The following CLIP1 variants were observed in gnomAD, a reference collection of about 807,000 sequenced individuals.
The protein encoded by CLIP1 is CAP-Gly domain containing linker protein 1, also known as CAP-Gly domain-containing linker protein 1.
CLIP1 carries 66 observed loss-of-function variants against 161.6 expected under a neutral mutation model. The ratio of observed to expected loss-of-function variants is 0.41; its 90% CI spans 0.33 to 0.50. CLIP1 has a LOEUF of 0.50. CLIP1 is among the 20% of genes least tolerant of loss of function. CLIP1 has a pLI of 0.27. For synonymous variants in CLIP1, 598 were observed against 626.2 expected, an observed-to-expected ratio of 0.96 and a Z score of 0.67; for missense variants, 1,376 against 1,702.0, an observed-to-expected ratio of 0.81 and a Z score of 3.37.
At chr12:122,292,769 C>T (rs192168607) in intron 20 of CLIP1, among the ~76,000 whole-genome samples, 9 of 151,874 alleles carry the variant, frequency 5.9e-5, no homozygotes, top group Non-Finnish European at 7.4e-5. Context: ...TTTGGGAGGC[C>T]GAGGCGGGCG....
intron 5 of CLIP1, among the ~76,000 whole-genome samples, chr12:122,359,996 T>C (rs1216999953): frequency 6.6e-6 from 1 of 152,128 alleles, no homozygotes; most frequent in Non-Finnish European, 1.5e-5. Context: ...GAATGAGGTG[T>C]TGCCTATTTT....
intron 12 of CLIP1, among the ~76,000 whole-genome samples, chr12:122,336,116 AG>A (rs1192040570): frequency 6.6e-6 from 1 of 152,248 alleles, no homozygotes; most frequent in Non-Finnish European, 1.5e-5. Flanking sequence ...TTAAGGAAAG[AG>A]AAAACATATA....
rs1955236109 is a variant in CLIP1 at position 122,273,005 on chromosome 12, TG to T, written c.4186del (p.Gln1396ArgfsTer63). 6.2e-7 allele frequency: 1 copy of T among 1,614,056 alleles called. No homozygotes were observed. Among genetic ancestry groups the T allele is most frequent in the Non-Finnish European group, 8.5e-7 (1 of 1,180,028 alleles). Reference protein sequence around the residue: ...DLHDTEDCPTQAQMSEDPPHS... With the variant: ...DLHDTEDCPTXAQMSEDPPHS... Reference sequence around the variant, plus strand: ...GGGAGGGTCCTCTGACATCTGTGCCTGGGTAGGACAATCCTCTGTGTCGTGG... The same window carrying T: ...GGGAGGGTCCTCTGACATCTGTGCCTGGTAGGACAATCCTCTGTGTCGTGG... On this transcript the variant is annotated frameshift_variant, in exon 26 of 26. Transcript: ENST00000620786. LOFTEE classifies it high-confidence loss of function.
At chr12:122,306,531 G>A (rs559558735) in intron 20 of CLIP1, among the ~76,000 whole-genome samples, 4 of 152,126 alleles carry the variant, frequency 2.6e-5, no homozygotes, top group South Asian at 2.1e-4. Context: ...AGAAGCACAC[G>A]ATCCTGACCA....
chr12:122,364,227 T>C (rs1593170689), intron 3 of CLIP1, 120 bp from the exon 4 acceptor site: 1 of 1,216,224 alleles, frequency 8.2e-7, no homozygotes, highest in African/African-American at 1.5e-5. Context: ...TTCTTTGCTT[T>C]AGCTTCTCTT....
intron 17 of CLIP1, chr12:122,324,112 A>G (rs918280213): frequency 4.6e-5 from 7 of 152,672 alleles, no homozygotes; most frequent in African/African-American, 1.7e-4. Context: ...GTTCCTGCTC[A>G]TAATACTTTT....
At chr12:122,314,214 C>T (rs1438728288) in intron 19 of CLIP1, among the ~76,000 whole-genome samples, 1 of 151,512 alleles carries the variant, frequency 6.6e-6, no homozygotes, top group Non-Finnish European at 1.5e-5. Flanking sequence ...TCGCTTCAAC[C>T]CGGGAGGCGG....
chr12:122,341,711 T>C lies in CLIP1; in HGVS notation c.1507-14A>G. 1 of 1,279,062 alleles carries C rather than the reference T, an allele frequency of 7.8e-7. No homozygotes were observed. Among genetic ancestry groups the C allele is most frequent in the Non-Finnish European group, 1.0e-6 (1 of 974,658 alleles). The allele number at this position is 1,279,062 out of a possible 1,614,324, so 79.2% of individuals were successfully genotyped here. A position where few individuals can be genotyped will look rare whatever the true frequency, so the allele number is the denominator to read the frequency against. On this transcript the variant is annotated splice_polypyrimidine_tract_variant and intron_variant, in intron 10 of 25. Transcript: ENST00000620786. ...AACTGTAGCCACCTATTAACAGCAG[T>C]CCAAAGAAAAAAAGATCATTTAAAT...
Position 122,420,089 on chromosome 12 carries a change from C to A in CLIP1, c.-107+2432G>T, listed in dbSNP as rs1014320653. 7.9e-5 allele frequency among the ~76,000 whole-genome samples: 12 copies of A among 151,786 alleles called. 1 individual carries two copies. The highest frequency in any genetic ancestry group is 1.5e-5 in the Non-Finnish European group (1 of 67,954). Reference sequence around the variant, plus strand: ...AGGCGTGGTGGCTCACACCTATAATCCCAGCACTTTGGGAGGCTGAGGCAG... The same window carrying A: ...AGGCGTGGTGGCTCACACCTATAATACCAGCACTTTGGGAGGCTGAGGCAG... On this transcript the variant is annotated intron_variant, in intron 1 of 25. Coordinates refer to ENST00000620786, the MANE Select transcript of CLIP1 (RefSeq NM_001247997.2).
intron 1 of CLIP1, among the ~76,000 whole-genome samples, chr12:122,393,182 T>TA (rs1555281436): frequency 1.3e-5 from 2 of 151,228 alleles, no homozygotes; most frequent in African/African-American, 4.9e-5. Context: ...TTTTTTTTTT[T>TA]AGATGGAGTC....
intron 2 of CLIP1, 134 bp from the exon 3 acceptor site, chr12:122,378,094 T>A (rs1954832525): frequency 1.3e-6 from 1 of 768,300 alleles, no homozygotes; most frequent in Non-Finnish European, 2.1e-6. Context: ...AAAGTGTGGT[T>A]TTTTGTTCTT....
rs1405970275 is a variant in CLIP1, at chr12:122,278,817, G to T, written c.3891C>A (p.Asn1297Lys). The T allele has an allele frequency of 6.2e-7, 1 of 1,606,872 alleles. No individual in the cohort carries two copies. The highest frequency in any genetic ancestry group is 1.1e-5 in the South Asian group (1 of 90,372). ...VKNLELQLKE[N>K]KRQLSSSSGN... ...CTGAGGAGCTGCTGAGCTGCCTCTT[G>T]TTTTCTTTGAGTTGAAGCTCCAAGT... The change falls in exon 23 of 26, where the codon AAC becomes AAA. Residue 1297 changes from asparagine (N) to lysine (K), a missense_variant. Physicochemically the swap from Asn to Lys is moderately conservative, Grantham distance 94. Around this residue, in one of 6 missense-constraint regions of CLIP1, gnomAD observed 948 missense variants for 1,134.8 expected, o/e 0.84. Transcript: ENST00000620786.
At chr12:122,292,871 T>C (rs112154999) in intron 20 of CLIP1, among the ~76,000 whole-genome samples, 45 of 150,980 alleles carry the variant, frequency 3.0e-4, no homozygotes, top group African/African-American at 4.1e-4. Flanking sequence ...GGCGCGGTGG[T>C]GGGCGCCTGT....
intron 20 of CLIP1, among the ~76,000 whole-genome samples, chr12:122,295,701 G>A (rs1204713600): frequency 6.6e-6 from 1 of 152,148 alleles, no homozygotes; most frequent in Admixed American, 6.6e-5. Context: ...TCACTGAAAT[G>A]GGGTACTGAA....
intron 1 of CLIP1, among the ~76,000 whole-genome samples, chr12:122,420,909 G>C (rs926011780): frequency 4.0e-5 from 6 of 151,620 alleles, no homozygotes; most frequent in Non-Finnish European, 5.9e-5. Flanking sequence ...CACTCTGGCC[G>C]GGGGGACAGA....
chr12:122,319,694 A>T (rs764257526), intron 17 of CLIP1, among the ~76,000 whole-genome samples: 8 of 152,268 alleles, frequency 5.3e-5, no homozygotes, highest in Non-Finnish European at 8.8e-5. Context: ...GGTAACAATG[A>T]ATAACATCCT....
At chr12:122,370,213 G>A (rs1248250144) in intron 3 of CLIP1, among the ~76,000 whole-genome samples, 1 of 151,590 alleles carries the variant, frequency 6.6e-6, no homozygotes, top group East Asian at 1.9e-4. Context: ...AAAGGGGCCA[G>A]TGTAGCTGAA....
At chr12:122,295,188 G>A (rs1203349385) in intron 20 of CLIP1, among the ~76,000 whole-genome samples, 6 of 152,010 alleles carry the variant, frequency 3.9e-5, no homozygotes, top group East Asian at 1.9e-4. Context: ...CGGCCAACAC[G>A]ATAAAACCCC....
chr12:122,357,723 C>T (rs1443623461), intron 5 of CLIP1, among the ~76,000 whole-genome samples: 4 of 148,484 alleles, frequency 2.7e-5, no homozygotes, highest in Non-Finnish European at 3.0e-5. Context: ...GCCGCCCCGT[C>T]CGGGAGGTGA....
Sources: allele counts gnomAD v4.1 joint callset (sites outside exome capture counted in the v4.1 genomes callset), GRCh38; gene constraint gnomAD v4.1.1; regional missense constraint gnomAD v4.1.1; transcripts MANE v1.5; gene names NCBI Gene and HGNC (gene_info 2026-07-23, HGNC 2026-07-21).